Variants in TRDN observed in about 807,000 individuals in gnomAD.
TRDN encodes triadin in skeletal muscle.
In TRDN, 161 loss-of-function variants were observed where a neutral mutation model predicts 149.7. The ratio of observed to expected loss-of-function variants is 1.08; its 90% CI spans 0.95 to 1.23. The LOEUF (loss-of-function observed/expected upper bound fraction) is 1.23, where lower values mean the gene tolerates loss of function less well. TRDN is among the 50% of genes most tolerant of loss of function. The pLI, the probability that TRDN is intolerant of heterozygous loss-of-function variation, is 0.00. For missense variants in TRDN, 896 were observed against 823.5 expected (o/e 1.09, Z -1.08); for synonymous variants, 294 against 250.5 (o/e 1.17, Z -1.64).
intron 4 of TRDN, among the ~76,000 whole-genome samples, chr6:123,545,653 C>T (rs1781076181): frequency 6.6e-6 from 1 of 151,816 alleles, no homozygotes; most frequent in Admixed American, 6.6e-5. Flanking sequence ...TCTTTAAGGA[C>T]ATTAGTGCAC....
intron 24 of TRDN, among the ~76,000 whole-genome samples, chr6:123,299,778 T>C (rs1304223073): frequency 6.6e-6 from 1 of 152,030 alleles, no homozygotes; most frequent in Admixed American, 6.6e-5. Context: ...AACTAGTTAA[T>C]ACATTGAGCA....
chr6:123,261,021 T>C (rs979186578), intron 33 of TRDN, among the ~76,000 whole-genome samples: 1 of 151,790 alleles, frequency 6.6e-6, no homozygotes, highest in Non-Finnish European at 1.5e-5. Context: ...ACAAAAAATA[T>C]GATAAATGCT....
chr6:123,633,366 G>A (rs1786116706), intron 1 of TRDN, among the ~76,000 whole-genome samples: 1 of 152,024 alleles, frequency 6.6e-6, no homozygotes, highest in Non-Finnish European at 1.5e-5. Context: ...GTCTCACACA[G>A]TAAGAAGACA....
At chr6:123,381,456 A>G (rs1435605164) in intron 15 of TRDN, 66 bp from the exon 16 acceptor site, 20 of 1,439,412 alleles carry the variant, frequency 1.4e-5, no homozygotes, top group Middle Eastern at 1.7e-4. Context: ...TACCCTACAT[A>G]TTGATTAGAC....
At chr6:123,221,460 T>A in intron 40 of TRDN, 27 bp downstream of exon 40, 1 of 1,485,724 alleles carries the variant, frequency 6.7e-7, no homozygotes, top group East Asian at 2.3e-5. Context: ...GAATGATTTA[T>A]TACTTTTAAT....
intron 9 of TRDN, among the ~76,000 whole-genome samples, chr6:123,483,152 G>C (rs1170250388): frequency 1.3e-5 from 2 of 149,984 alleles, no homozygotes; most frequent in Non-Finnish European, 3.0e-5. Flanking sequence ...GCCCAGACTG[G>C]AGTGAAGTGG....
rs145738337 is a variant in TRDN, at chr6:123,514,978, G to T, written c.550+1163C>A. Among the ~76,000 whole-genome samples the T allele has an allele frequency of 2.2e-4, 33 of 152,058 alleles. No homozygotes were observed. In the Middle Eastern group the frequency reaches 0.017, roughly 78 times the overall value. On this transcript the variant is annotated intron_variant, in intron 6 of 40. Coordinates refer to ENST00000334268, the MANE Select transcript of TRDN (RefSeq NM_006073.4). ...GCATTAGGACAAATACCTAATGCAC[G>T]CAAGGCTTAAAACCTAGATGACAGG...
intron 4 of TRDN, among the ~76,000 whole-genome samples, chr6:123,539,147 A>C (rs555136171): frequency 6.6e-6 from 1 of 152,210 alleles, no homozygotes; most frequent in African/African-American, 2.4e-5. Context: ...ATTTTTAGAG[A>C]TCTACAATTT....
intron 4 of TRDN, among the ~76,000 whole-genome samples, chr6:123,539,238 G>T (rs1192022504): frequency 6.6e-6 from 1 of 152,142 alleles, no homozygotes. Flanking sequence ...ATTTTAATGT[G>T]CATAAGAGTC....
intron 38 of TRDN, among the ~76,000 whole-genome samples, chr6:123,227,276 G>A (rs993782142): frequency 6.6e-6 from 1 of 151,820 alleles, no homozygotes; most frequent in African/African-American, 2.4e-5. Flanking sequence ...TACAAAAAAA[G>A]GCTTTGCCAA....
chr6:123,229,987 C>A (rs1775536658), intron 38 of TRDN, among the ~76,000 whole-genome samples: 1 of 151,808 alleles, frequency 6.6e-6, no homozygotes, highest in South Asian at 2.1e-4. Context: ...ATTCCTTTAT[C>A]ATCTTAAAAT....
intron 2 of TRDN, among the ~76,000 whole-genome samples, chr6:123,559,385 T>C (rs1404283163): frequency 1.3e-5 from 2 of 152,126 alleles, no homozygotes; most frequent in Admixed American, 1.3e-4. Flanking sequence ...CAGTTCCCTA[T>C]TAGGCCGAGA....
intron 7 of TRDN, 142 bp from the exon 8 acceptor site, chr6:123,504,043 T>G: frequency 1.1e-6 from 1 of 885,100 alleles, no homozygotes; most frequent in Non-Finnish European, 1.6e-6. Context: ...AACAGTATTT[T>G]TCAGGAAAAC....
At chr6:123,371,543 T>C (rs1290699187) in intron 19 of TRDN, among the ~76,000 whole-genome samples, 3 of 152,210 alleles carry the variant, frequency 2.0e-5, no homozygotes, top group Non-Finnish European at 4.4e-5. Context: ...GTGTTCATTA[T>C]GTCACTTTTA....
intron 21 of TRDN, chr6:123,351,710 A>G (rs1582904894): frequency 1.1e-6 from 1 of 929,912 alleles, no homozygotes; most frequent in African/African-American, 1.8e-5. Flanking sequence ...GATTTCATAC[A>G]TTTAATTGCA....
intron 16 of TRDN, 98 bp from the exon 17 acceptor site, chr6:123,377,996 T>A (rs901958181): frequency 1.5e-5 from 12 of 795,516 alleles, no homozygotes; most frequent in Non-Finnish European, 2.3e-5. Flanking sequence ...ATGCATGTGC[T>A]GATGCCAGAT....
chr6:123,623,061 A>G (rs115990199), intron 1 of TRDN, among the ~76,000 whole-genome samples: 1 of 152,230 alleles, frequency 6.6e-6, no homozygotes, highest in African/African-American at 2.4e-5. Context: ...TAGTTAGCTC[A>G]AGGACACAGA....
At chr6:123,632,071 T>C (rs1161206590) in intron 1 of TRDN, among the ~76,000 whole-genome samples, 1 of 152,122 alleles carries the variant, frequency 6.6e-6, no homozygotes, top group African/African-American at 2.4e-5. Flanking sequence ...GTTTGAATCA[T>C]GATCCAACCA....
intron 8 of TRDN, among the ~76,000 whole-genome samples, chr6:123,500,007 A>G (rs1329889357): frequency 1.3e-5 from 2 of 151,722 alleles, no homozygotes; most frequent in East Asian, 3.9e-4. Flanking sequence ...TCCCCCACAG[A>G]TACTGTGGGA....
Sources: gnomAD v4.1 joint callset for allele counts (sites outside exome capture counted in the v4.1 genomes callset) on GRCh38, gnomAD v4.1.1 for gene constraint, MANE v1.5 for transcripts, NCBI Gene and HGNC (gene_info 2026-07-23, HGNC 2026-07-21) for gene names.